ARHGAP31: variants seen among roughly 807,000 people sequenced by gnomAD.
The protein encoded by ARHGAP31 is rho GTPase-activating protein 31.
Under a neutral mutation model 113.9 loss-of-function variants are expected in ARHGAP31, and 34 were observed. The observed-to-expected ratio is 0.30, with a 90% CI of 0.23 to 0.40. The LOEUF (loss-of-function observed/expected upper bound fraction) is 0.40. Among genes scored for constraint, ARHGAP31 ranks in the 10% least tolerant of loss-of-function variants. The pLI, the probability that ARHGAP31 is intolerant of heterozygous loss-of-function variation, is 1.00. For synonymous variants in ARHGAP31, 650 were observed against 684.8 expected (o/e 0.95, Z 0.79); for missense variants, 1,548 against 1,767.1 (o/e 0.88, Z 2.22).
At chr3:119,297,941 CACA>C (rs2079547681) in intron 1 of ARHGAP31, among the ~76,000 whole-genome samples, 1 of 151,506 alleles carries the variant, frequency 6.6e-6, no homozygotes, top group Admixed American at 6.6e-5. Context: ...CACACACACA[CACA>C]CCGTGTATGC....
intron 1 of ARHGAP31, among the ~76,000 whole-genome samples, chr3:119,299,608 T>A (rs2079562586): frequency 6.6e-6 from 1 of 152,222 alleles, no homozygotes; most frequent in Non-Finnish European, 1.5e-5. Context: ...TGATTCTCTT[T>A]CTTTATCTAT....
chr3:119,390,422 G>A (rs890513579), intron 6 of ARHGAP31, among the ~76,000 whole-genome samples: 3 of 151,998 alleles, frequency 2.0e-5, no homozygotes, highest in African/African-American at 7.3e-5. Flanking sequence ...CCATCTGGCC[G>A]AAGCACTGGG....
intron 10 of ARHGAP31, among the ~76,000 whole-genome samples, chr3:119,405,127 G>A (rs886349773): frequency 6.6e-6 from 1 of 152,254 alleles, no homozygotes; most frequent in Non-Finnish European, 1.5e-5. Context: ...AATTCTCTTA[G>A]TTCTATTTTA....
At chr3:119,350,625 T>C (rs1270932968) in intron 1 of ARHGAP31, among the ~76,000 whole-genome samples, 4 of 152,104 alleles carry the variant, frequency 2.6e-5, no homozygotes, top group Admixed American at 2.6e-4. Context: ...CTAGGCGTCT[T>C]TTAGAGCTAA....
intron 6 of ARHGAP31, among the ~76,000 whole-genome samples, chr3:119,388,750 G>A (rs2080476903): frequency 6.6e-6 from 1 of 152,162 alleles, no homozygotes; most frequent in South Asian, 2.1e-4. Context: ...TTTAGCTTGG[G>A]CACTGGGTGG....
chr3:119,382,731 A>C (rs1052420564), intron 5 of ARHGAP31, among the ~76,000 whole-genome samples: 2 of 152,204 alleles, frequency 1.3e-5, no homozygotes, highest in Non-Finnish European at 2.9e-5. Flanking sequence ...GCTGGCTACA[A>C]CCAGAATCAG....
intron 3 of ARHGAP31, among the ~76,000 whole-genome samples, chr3:119,370,809 C>T (rs2080291245): frequency 1.3e-5 from 2 of 152,138 alleles, no homozygotes; most frequent in Admixed American, 1.3e-4. Flanking sequence ...TTATAATACA[C>T]ATTTTTTCAC....
At chr3:119,305,324 C>T (rs183725524) in intron 1 of ARHGAP31, among the ~76,000 whole-genome samples, 15 of 152,292 alleles carry the variant, frequency 9.8e-5, no homozygotes, top group Non-Finnish European at 2.2e-4. Flanking sequence ...ATTGAGTTCC[C>T]ATCCCCAGTT....
intron 1 of ARHGAP31, among the ~76,000 whole-genome samples, chr3:119,321,637 T>G (rs1414332816): frequency 6.6e-6 from 1 of 151,866 alleles, no homozygotes; most frequent in Non-Finnish European, 1.5e-5. Flanking sequence ...CATATAACAT[T>G]TTAAGGCTCC....
In ARHGAP31 at chr3:119,382,395, C is replaced by A; in HGVS notation, c.535C>A (p.Leu179Ile). 1.9e-6 allele frequency: 3 copies of A among 1,613,980 alleles called. No individual in the cohort carries two copies. In the Admixed American group the frequency reaches 5.0e-5, roughly 27 times the overall value. ...GGCCCTGGTGTGGGCGCCAAACCTC[C>A]TCAGGTAACCACTCTACCCTCCCCT... ...NLALVWAPNL[L>I]RSKEIEATGC... is the part of the protein sequence containing the mutation. The change falls in exon 5 of 12, where the codon CTC (leucine) becomes ATC (isoleucine). Residue 179 changes from leucine to isoleucine, a missense_variant. Physicochemically the swap from Leu to Ile is conservative, Grantham distance 5 (BLOSUM62 2). Coordinates refer to ENST00000264245, the MANE Select transcript of ARHGAP31 (RefSeq NM_020754.4).
chr3:119,302,565 A>G lies in ARHGAP31; in HGVS notation c.100+7561A>G, dbSNP rs139497390. Reference sequence around the variant, plus strand: ...TGCTACTTATCTGTGTTGATTGCTTACTCTGTGCCAGTCACTTTATACATG... The same window carrying G: ...TGCTACTTATCTGTGTTGATTGCTTGCTCTGTGCCAGTCACTTTATACATG... On this transcript the variant is annotated intron_variant, in intron 1 of 11. Coordinates refer to ENST00000264245, the MANE Select transcript of ARHGAP31 (RefSeq NM_020754.4). 1.8e-3 allele frequency among the ~76,000 whole-genome samples: 278 copies of G among 152,272 alleles called. 1 individual carries two copies. Among genetic ancestry groups the G allele is most frequent in the African/African-American group, 6.2e-3 (257 of 41,550 alleles).
At chr3:119,342,288 A>C (rs2080015467) in intron 1 of ARHGAP31, among the ~76,000 whole-genome samples, 1 of 152,244 alleles carries the variant, frequency 6.6e-6, no homozygotes, top group Non-Finnish European at 1.5e-5. Context: ...TGCTAAAAAC[A>C]GACTGAGGTC....
chr3:119,387,812 G>T (rs1426651532), intron 6 of ARHGAP31, among the ~76,000 whole-genome samples: 1 of 152,124 alleles, frequency 6.6e-6, no homozygotes, highest in Non-Finnish European at 1.5e-5. Flanking sequence ...GGAAGACAAG[G>T]ATATATAAGT....
At chr3:119,324,708 CAA>C (rs960480407) in intron 1 of ARHGAP31, among the ~76,000 whole-genome samples, 9 of 152,166 alleles carry the variant, frequency 5.9e-5, no homozygotes, top group African/African-American at 2.2e-4. Flanking sequence ...CGTGGAAAAA[CAA>C]AGAGTGGGGA....
At chr3:119,303,533 C>T (rs188352590) in intron 1 of ARHGAP31, among the ~76,000 whole-genome samples, 24 of 152,294 alleles carry the variant, frequency 1.6e-4, no homozygotes, top group South Asian at 2.1e-4. Flanking sequence ...CCTGGTACCA[C>T]GCCCATGGCC....
chr3:119,316,943 C>T (rs1018565881), intron 1 of ARHGAP31, among the ~76,000 whole-genome samples: 1 of 152,236 alleles, frequency 6.6e-6, no homozygotes, highest in Admixed American at 6.5e-5. Flanking sequence ...TCCCCTATGT[C>T]CCTCCTGTCT....
At chr3:119,307,780 A>C (rs1032493956) in intron 1 of ARHGAP31, among the ~76,000 whole-genome samples, 6 of 151,996 alleles carry the variant, frequency 3.9e-5, no homozygotes, top group African/African-American at 1.5e-4. Flanking sequence ...CTGGCAATCA[A>C]GTCTGTTTCC....
intron 11 of ARHGAP31, among the ~76,000 whole-genome samples, chr3:119,410,956 G>A (rs11714363): frequency 0.34 from 51,992 of 152,000 alleles, 9,183 homozygotes; most frequent in South Asian, 0.43. Context: ...CACAAGGGTC[G>A]GGGAAAGCTT....
chr3:119,313,901 A>G (rs1311323216), intron 1 of ARHGAP31, among the ~76,000 whole-genome samples: 4 of 152,244 alleles, frequency 2.6e-5, no homozygotes, highest in African/African-American at 4.8e-5. Context: ...TTATATCCAT[A>G]GATTCTTATA....
Sources: allele counts gnomAD v4.1 joint callset (sites outside exome capture counted in the v4.1 genomes callset), GRCh38; gene constraint gnomAD v4.1.1; transcripts MANE v1.5; gene names NCBI Gene and HGNC (gene_info 2026-07-23, HGNC 2026-07-21).